SSC5D: variants seen among roughly 807,000 people sequenced by gnomAD.
SSC5D encodes soluble scavenger receptor cysteine-rich domain-containing protein SSC5D.
A neutral mutation model predicts 104.6 loss-of-function variants in SSC5D; 106 were observed. The observed-to-expected ratio is 1.01, with a 90% CI of 0.87 to 1.19. The LOEUF is 1.19. Ranked by LOEUF, SSC5D falls within the 50% of genes most tolerant of loss-of-function variation. The probability of loss-of-function intolerance (pLI) is 0.00; values close to 1 mark genes in which losing one functional copy is unlikely to be tolerated. For missense variants in SSC5D, 1,993 were observed against 2,153.8 expected (o/e 0.93, Z 1.48); for synonymous variants, 860 against 883.5 (o/e 0.97, Z 0.47).
In SSC5D at chr19:55,500,475, G is replaced by C. The variant is rs371884346; in HGVS notation, c.2303-15G>C. 6.4e-7 allele frequency: 1 copy of C among 1,550,432 alleles called. No individual in the cohort carries two copies. Among genetic ancestry groups the C allele is most frequent in the South Asian group, 1.2e-5 (1 of 83,990 alleles). Reference sequence around the variant, plus strand: ...AGGCTGACCCTCCCTCCTGACCTAAGGGCCTTCCACGCAGGCCTGTTCCGG... The same window carrying C: ...AGGCTGACCCTCCCTCCTGACCTAACGGCCTTCCACGCAGGCCTGTTCCGG... On this transcript the variant is annotated splice_polypyrimidine_tract_variant and intron_variant, in intron 10 of 13. Transcript: ENST00000389623. The surrounding 1 kb of genome is among the most constrained non-coding windows in gnomAD (Gnocchi z 4.6).
intron 12 of SSC5D, among the ~76,000 whole-genome samples, chr19:55,508,432 G>A (rs2087258024): frequency 1.3e-5 from 2 of 152,282 alleles, no homozygotes; most frequent in East Asian, 3.9e-4. Flanking sequence ...AGTGCATCCT[G>A]TGGTTACACT....
At position 55,490,933 on chromosome 19, in the gene SSC5D, G is replaced by A. The variant is rs951837260; in HGVS notation, c.748G>A (p.Gly250Ser). The change falls in exon 6 of 14, where the codon GGT becomes AGT. Residue 250 changes from glycine to serine, a missense_variant. Physicochemically the swap from Gly to Ser is moderately conservative, Grantham distance 56 (BLOSUM62 0). Coordinates refer to ENST00000389623, the MANE Select transcript of SSC5D (RefSeq NM_001144950.2). ...GCGGALAAPG[G>S]ARFGPGAGPV... Reference sequence around the variant, plus strand: ...TGGGGGGGCGCTGGCTGCCCCCGGCGGTGCCAGATTCGGGCCTGGTGCAGG... The same window carrying A: ...TGGGGGGGCGCTGGCTGCCCCCGGCAGTGCCAGATTCGGGCCTGGTGCAGG... 7.8e-5 allele frequency: 120 copies of A among 1,544,560 alleles called. No homozygotes were observed. Among genetic ancestry groups the A allele is most frequent in the Non-Finnish European group, 9.6e-5 (110 of 1,143,802 alleles).
intron 12 of SSC5D, 109 bp downstream of exon 12, chr19:55,501,310 G>T: frequency 1.2e-5 from 16 of 1,330,532 alleles, no homozygotes; most frequent in Non-Finnish European, 1.6e-5. Flanking sequence ...AGGCCTCGGG[G>T]CACCCTGGAA....
intron 8 of SSC5D, among the ~76,000 whole-genome samples, chr19:55,496,750 CTTTTT>C (rs34304244): frequency 4.3e-5 from 6 of 139,804 alleles, no homozygotes; most frequent in Non-Finnish European, 7.7e-5. Flanking sequence ...TTTTACCAGT[CTTTTT>C]TTTTTTTTTT....
In SSC5D at chr19:55,518,313, G is replaced by A. The variant is rs1295754000; in HGVS notation, c.4037G>A (p.Gly1346Glu). The A allele has an allele frequency of 1.6e-5, 24 of 1,534,938 alleles. No homozygotes were observed. The highest frequency in any genetic ancestry group is 2.1e-5 in the Non-Finnish European group (24 of 1,143,356). ...ITTVSLPTSL[G>E]TELSSPTLAP... ...ACTGTGTCCCTTCCAACCTCCTTGG[G>A]GACAGAACTCTCCTCTCCCACTCTA... Residue 1346 changes from glycine (G) to glutamate (E), a missense_variant, in exon 14 of 14, where the codon GGG (glycine) becomes GAG (glutamate). Gly to Glu is a moderately conservative substitution (Grantham distance 98). Around this residue, in one of 6 missense-constraint regions of SSC5D, gnomAD observed 349 missense variants for 397.6 expected, o/e 0.88. Transcript: ENST00000389623.
intron 3 of SSC5D, 96 bp from the exon 4 acceptor site, chr19:55,489,786 T>G: frequency 6.7e-7 from 1 of 1,482,492 alleles, no homozygotes; most frequent in Non-Finnish European, 9.2e-7. Flanking sequence ...TCCCATCCCC[T>G]CCAAAGCCAG....
chr19:55,488,733 C>A, intron 1 of SSC5D, 119 bp downstream of exon 1: 1 of 901,282 alleles, frequency 1.1e-6, no homozygotes, highest in Non-Finnish European at 1.8e-6. Flanking sequence ...CCTGCATACC[C>A]TGACATCCCT....
intron 1 of SSC5D, 111 bp from the exon 2 acceptor site, chr19:55,488,895 T>G (rs1471243308): frequency 1.4e-6 from 1 of 697,876 alleles, no homozygotes; most frequent in African/African-American, 1.8e-5. Context: ...TGTGTGTGTG[T>G]GTGTGTGTGT....
chr19:55,489,327 A>G, intron 2 of SSC5D, 27 bp from the exon 3 acceptor site: 1 of 1,425,530 alleles, frequency 7.0e-7, no homozygotes, highest in Non-Finnish European at 9.1e-7. Context: ...GCCCCTCCCC[A>G]GTCACAGCCA....
At chr19:55,514,699 A>C (rs772166090) in intron 13 of SSC5D, among the ~76,000 whole-genome samples, 1 of 152,004 alleles carries the variant, frequency 6.6e-6, no homozygotes, top group African/African-American at 2.4e-5. Flanking sequence ...AATTTTGCCC[A>C]TTTCTCAGAT....
intron 12 of SSC5D, 55 bp from the exon 13 acceptor site, chr19:55,512,956 A>T (rs1345657774): frequency 1.3e-6 from 2 of 1,547,420 alleles, no homozygotes; most frequent in African/African-American, 2.7e-5. Context: ...AGAGACGGGG[A>T]GTCAAACTCA....
Position 55,517,207 on chromosome 19 carries a change from C to G in SSC5D, c.2948-17C>G. ...GGTTGACCTCAGACCGTCCGTCTGTCTTTCCTCCTCCTCCAGGTTCCCCGA... is the reference window on the plus strand; with the variant it reads ...GGTTGACCTCAGACCGTCCGTCTGTGTTTCCTCCTCCTCCAGGTTCCCCGA... On this transcript the variant is annotated splice_polypyrimidine_tract_variant and intron_variant, in intron 13 of 13. Coordinates refer to ENST00000389623, the MANE Select transcript of SSC5D (RefSeq NM_001144950.2). The G allele has an allele frequency of 6.5e-7, 1 of 1,531,370 alleles. No individual in the cohort carries two copies. The highest frequency in any genetic ancestry group is 8.7e-7 in the Non-Finnish European group (1 of 1,144,196). The allele number at this position is 1,531,370 out of a possible 1,614,324, so 94.9% of individuals were successfully genotyped here. A position where few individuals can be genotyped will look rare whatever the true frequency, so the allele number is the denominator to read the frequency against.
At chr19:55,506,460 T>C (rs765218151) in intron 12 of SSC5D, among the ~76,000 whole-genome samples, 2 of 136,396 alleles carry the variant, frequency 1.5e-5, no homozygotes, top group Non-Finnish European at 3.1e-5. Context: ...AGTGGCGTGA[T>C]CTTGTCTCAC....
intron 6 of SSC5D, 189 bp downstream of exon 6, chr19:55,491,269 G>A: frequency 1.5e-6 from 1 of 670,916 alleles, no homozygotes; most frequent in East Asian, 2.9e-5. Context: ...TCCTTGCCAG[G>A]AATGGGAGGA....
chr19:55,495,751 C>A (rs1987310124), intron 8 of SSC5D, among the ~76,000 whole-genome samples: 1 of 151,664 alleles, frequency 6.6e-6, no homozygotes, highest in Non-Finnish European at 1.5e-5. Context: ...ATCTTTTATA[C>A]ATTTATTTAG....
At chr19:55,489,067 C>T (rs1463733472) in intron 2 of SSC5D, 35 bp downstream of exon 2, 6 of 1,037,578 alleles carry the variant, frequency 5.8e-6, no homozygotes, top group African/African-American at 1.8e-5. Flanking sequence ...TGCCCGCCCC[C>T]CCCCCCAGGC....
chr19:55,496,615 G>A (rs1445125011), intron 8 of SSC5D, among the ~76,000 whole-genome samples: 2 of 152,188 alleles, frequency 1.3e-5, no homozygotes, highest in African/African-American at 4.8e-5. Context: ...AGGTCTCCAT[G>A]TTACAGATGA....
Position 55,491,095 on chromosome 19 carries a change from G to A in SSC5D, c.895+15G>A. 3 of 1,542,138 alleles carry A rather than the reference G, an allele frequency of 1.9e-6. No homozygotes were observed. Among genetic ancestry groups the A allele is most frequent in the Non-Finnish European group, 8.7e-7 (1 of 1,143,102 alleles). ...GGTCTGCACCGGTACGTCGGGCTGGGGCCTGGCCCCCTCCTGTCTTCCTCA... is the reference window on the plus strand; with the variant it reads ...GGTCTGCACCGGTACGTCGGGCTGGAGCCTGGCCCCCTCCTGTCTTCCTCA... On this transcript the variant is annotated intron_variant, in intron 6 of 13. Coordinates refer to ENST00000389623, the MANE Select transcript of SSC5D (RefSeq NM_001144950.2).
rs1987450220 is a variant in SSC5D at position 55,500,303 on chromosome 19, G to C, written c.2193G>C (p.Lys731Asn). The C allele has an allele frequency of 2.6e-6, 4 of 1,551,458 alleles. No homozygotes were observed. The South Asian group carries it at 4.8e-5, about 18-fold the overall frequency. The stretch of plus-strand genomic sequence containing the variant: ...AAATGACCTCTGAGTCCACTATCAA[G>C]AGTATCCCTCAGGCCTCCCTGGAGC... ...PQEMTSESTI[K>N]SIPQASLEPS... is the part of the protein sequence containing the mutation. The change falls in exon 10 of 14, where the codon AAG becomes AAC. Residue 731 changes from lysine (K) to asparagine (N), a missense_variant. Around this residue, in one of 6 missense-constraint regions of SSC5D, gnomAD observed 1,101 missense variants for 1,085.0 expected, o/e 1.01. Transcript: ENST00000389623. This position sits in a 1 kb window ranked among gnomAD's most constrained non-coding sequence, Gnocchi z 4.6.
Sources: gnomAD v4.1 joint callset for allele counts (sites outside exome capture counted in the v4.1 genomes callset) on GRCh38, gnomAD v4.1.1 for gene constraint, gnomAD v4.1.1 regional missense constraint, Gnocchi (gnomAD v3.1) non-coding constraint, MANE v1.5 for transcripts, NCBI Gene and HGNC (gene_info 2026-07-23, HGNC 2026-07-21) for gene names.